Variants in ITPR2 observed in about 807,000 individuals in gnomAD.
ITPR2 encodes the protein inositol 1,4,5-trisphosphate-gated calcium channel ITPR2.
Under a neutral mutation model 317.1 loss-of-function variants are expected in ITPR2, and 207 were observed. That is an observed-to-expected ratio of 0.65 (90% CI 0.58 to 0.73). The LOEUF (loss-of-function observed/expected upper bound fraction) is 0.73. Ranked by LOEUF, ITPR2 falls within the 30% of genes least tolerant of loss-of-function variation. ITPR2 has a pLI of 0.00. For missense variants in ITPR2, 2,613 were observed against 3,284.0 expected, an observed-to-expected ratio of 0.80 and a Z score of 4.99; for synonymous variants, 1,156 against 1,149.1, an observed-to-expected ratio of 1.01 and a Z score of -0.12.
chr12:26,361,261 T>C (rs545658659), intron 55 of ITPR2, among the ~76,000 whole-genome samples: 61 of 151,900 alleles, frequency 4.0e-4, no homozygotes, highest in African/African-American at 1.4e-3. Context: ...GTGCTGGAAG[T>C]TGGGTTTTGA....
chr12:26,528,123 G>A (rs77636401), intron 37 of ITPR2, among the ~76,000 whole-genome samples: 13,565 of 152,110 alleles, frequency 0.089, 792 homozygotes, highest in African/African-American at 0.16. Context: ...AGGTTGGGGG[G>A]AAATATTAGC....
rs201870415 is a variant in ITPR2 at position 26,786,456 on chromosome 12, A to T, written c.163+3701T>A. The stretch of plus-strand genomic sequence containing the variant: ...ACACCCAAGAATGATCAATAAAAAA[A>T]AAAAAAAAAAAAAATGGAGAATATT... On this transcript the variant is annotated intron_variant, in intron 2 of 56. Transcript: ENST00000381340. Among the ~76,000 whole-genome samples, 572 of 151,446 alleles carry T rather than the reference A, an allele frequency of 3.8e-3. 9 individuals carry two copies. The East Asian group carries it at 0.092, about 24-fold the overall frequency.
intron 14 of ITPR2, among the ~76,000 whole-genome samples, chr12:26,665,535 C>G (rs1293181124): frequency 6.6e-6 from 1 of 152,162 alleles, no homozygotes; most frequent in Non-Finnish European, 1.5e-5. Flanking sequence ...TAGCTTCTAC[C>G]TGAGCGTCCT....
intron 55 of ITPR2, among the ~76,000 whole-genome samples, chr12:26,387,114 A>T (rs1435698813): frequency 6.6e-6 from 1 of 152,222 alleles, no homozygotes; most frequent in Non-Finnish European, 1.5e-5. Context: ...AGATTTCAGG[A>T]AGTGGGACAT....
intron 55 of ITPR2, among the ~76,000 whole-genome samples, chr12:26,386,674 T>G (rs1939672663): frequency 6.9e-6 from 1 of 145,286 alleles, no homozygotes; most frequent in African/African-American, 2.5e-5. Flanking sequence ...TTTTGGGGGG[T>G]GGGGGGAATA....
rs1946574062 is a variant in ITPR2 at position 26,624,465 on chromosome 12, T to C, written c.3065-109A>G. The C allele has an allele frequency of 4.0e-6, 3 of 755,524 alleles. No individual in the cohort carries two copies. In the East Asian group the frequency reaches 8.0e-5, roughly 20 times the overall value. 46.8% of individuals were successfully genotyped at this position (755,524 alleles called of 1,614,324 possible). The stretch of plus-strand genomic sequence containing the variant: ...AAATATTTTTGTCTTCATTTCTTTA[T>C]TCGACCAAAAGTCAATTAACACTAA... On this transcript the variant is annotated intron_variant, in intron 23 of 56. Transcript: ENST00000381340.
Position 26,663,798 on chromosome 12 carries a change from A to G in ITPR2, c.1600T>C (p.Ser534Pro), listed in dbSNP as rs1380888467. Residue 534 changes from serine to proline, a missense_variant, in exon 15 of 57, where the codon TCG becomes CCG. Physicochemically the swap from Ser to Pro is moderately conservative, Grantham distance 74 (BLOSUM62 -1). Transcript: ENST00000381340. ...CCCAGATCTTCAAGTCTCAGCATCGAGCCTTCTCCTGCTTTCTCTTTAAAG... is the reference window on the plus strand; with the variant it reads ...CCCAGATCTTCAAGTCTCAGCATCGGGCCTTCTCCTGCTTTCTCTTTAAAG... ...APFKEKAGEG[S>P]MLRLEDLGDQ... The G allele has an allele frequency of 1.2e-6, 2 of 1,613,780 alleles. No homozygotes were observed. Among genetic ancestry groups the G allele is most frequent in the African/African-American group, 2.7e-5 (2 of 74,938 alleles).
intron 48 of ITPR2, among the ~76,000 whole-genome samples, chr12:26,435,164 A>G (rs549672800): frequency 4.9e-4 from 75 of 152,282 alleles, no homozygotes; most frequent in African/African-American, 1.6e-3. Context: ...AACCTGTAAA[A>G]TAGCAAATGA....
chr12:26,758,559 T>A (rs563640362), intron 2 of ITPR2, among the ~76,000 whole-genome samples: 12 of 152,214 alleles, frequency 7.9e-5, no homozygotes, highest in African/African-American at 2.2e-4. Flanking sequence ...AAAAGTTGCA[T>A]GTCTAGTATA....
intron 49 of ITPR2, among the ~76,000 whole-genome samples, chr12:26,424,225 A>T (rs940838464): frequency 2.0e-5 from 3 of 152,206 alleles, no homozygotes; most frequent in African/African-American, 7.2e-5. Context: ...CTTTTCAACT[A>T]TCCTAGCGAA....
intron 43 of ITPR2, among the ~76,000 whole-genome samples, chr12:26,477,850 G>A (rs963136124): frequency 6.6e-6 from 1 of 152,180 alleles, no homozygotes; most frequent in East Asian, 1.9e-4. Flanking sequence ...TTTTAACAGT[G>A]CTGGCATAGA....
chr12:26,815,233 G>A (rs937239022), intron 1 of ITPR2, among the ~76,000 whole-genome samples: 1 of 152,162 alleles, frequency 6.6e-6, no homozygotes, highest in South Asian at 2.1e-4. Flanking sequence ...TCAGGAGGCT[G>A]AGGCAGGAGA....
chr12:26,714,100 G>T (rs970218546), intron 8 of ITPR2, among the ~76,000 whole-genome samples: 1 of 152,126 alleles, frequency 6.6e-6, no homozygotes, highest in African/African-American at 2.4e-5. Context: ...ATTTCATCTC[G>T]ATTCTAAACC....
intron 21 of ITPR2, 31 bp downstream of exon 21, chr12:26,653,945 A>T: frequency 6.4e-7 from 1 of 1,567,140 alleles, no homozygotes; most frequent in Non-Finnish European, 8.7e-7. Flanking sequence ...AGTAATAACA[A>T]TGATATTATC....
intron 2 of ITPR2, among the ~76,000 whole-genome samples, chr12:26,783,362 A>G (rs946841153): frequency 2.6e-5 from 4 of 152,194 alleles, no homozygotes; most frequent in South Asian, 2.1e-4. Flanking sequence ...GGAAATACCT[A>G]ATCAACCAAG....
At chr12:26,462,263 T>G (rs1942055802) in intron 45 of ITPR2, among the ~76,000 whole-genome samples, 1 of 152,050 alleles carries the variant, frequency 6.6e-6, no homozygotes, top group Non-Finnish European at 1.5e-5. Context: ...GCCTCTCAGG[T>G]TCAAGTGATT....
At chr12:26,390,100 A>AT (rs1939786129) in intron 54 of ITPR2, among the ~76,000 whole-genome samples, 1 of 152,218 alleles carries the variant, frequency 6.6e-6, no homozygotes, top group South Asian at 2.1e-4. Flanking sequence ...CCAAAACCAG[A>AT]TAATAATAAG....
rs759416118 is a variant in ITPR2 at position 26,686,472 on chromosome 12, T to A, written c.1148+9A>T. The A allele has an allele frequency of 2.6e-6, 4 of 1,546,630 alleles. No individual in the cohort carries two copies. In the Admixed American group the frequency reaches 7.9e-5, roughly 31 times the overall value. On this transcript the variant is annotated intron_variant, in intron 11 of 56. Coordinates refer to ENST00000381340, the MANE Select transcript of ITPR2 (RefSeq NM_002223.4). The stretch of plus-strand genomic sequence containing the variant: ...CAAAGAAACATCTTTTAACCATAAT[T>A]TTTTTTACCTTGGAACCAGGCAGTC...
chr12:26,622,902 C>T (rs1946532915), intron 24 of ITPR2, among the ~76,000 whole-genome samples: 1 of 152,162 alleles, frequency 6.6e-6, no homozygotes, highest in Non-Finnish European at 1.5e-5. Flanking sequence ...TCCACTGGAA[C>T]AAAAGGTCCA....
Sources: allele counts gnomAD v4.1 joint callset (sites outside exome capture counted in the v4.1 genomes callset), GRCh38; gene constraint gnomAD v4.1.1; transcripts MANE v1.5; gene names NCBI Gene and HGNC (gene_info 2026-07-23, HGNC 2026-07-21).